Variants in DDX52 observed in about 807,000 individuals in gnomAD.
DDX52 encodes the protein probable ATP-dependent RNA helicase DDX52.
DDX52 carries 59 observed loss-of-function variants against 76.1 expected under a neutral mutation model. That is an observed-to-expected ratio of 0.78 (90% CI 0.63 to 0.96). The LOEUF (loss-of-function observed/expected upper bound fraction) is 0.96, where lower values mean the gene tolerates loss of function less well. Among genes scored for constraint, DDX52 ranks in the 40% least tolerant of loss-of-function variants. DDX52 has a pLI of 0.00. For synonymous variants in DDX52, 231 were observed against 244.1 expected (o/e 0.95, Z 0.50); for missense variants, 707 against 703.9 (o/e 1.00, Z -0.05).
rs143127075 is a variant in DDX52, at chr17:37,641,498, G to A, written c.286+612C>T. Reference sequence around the variant, plus strand: ...TCAGGCCTGTAATCCCGGCACTTTGGGGGGCCAAAGCGGGCGGATCACGAG... The same window carrying A: ...TCAGGCCTGTAATCCCGGCACTTTGAGGGGCCAAAGCGGGCGGATCACGAG... On this transcript the variant is annotated intron_variant, in intron 2 of 14. Coordinates refer to ENST00000617633, the MANE Select transcript of DDX52 (RefSeq NM_007010.5). 3.4e-3 allele frequency among the ~76,000 whole-genome samples: 513 copies of A among 152,276 alleles called. 3 individuals are homozygous for A. Among genetic ancestry groups the A allele is most frequent in the East Asian group, 0.015 (76 of 5,186 alleles).
rs1411330365 is a variant in DDX52, at chr17:37,611,082, T to G, written c.*3214A>C. The G allele has an allele frequency of 1.3e-5, 2 of 152,260 alleles. No individual in the cohort carries two copies. The highest frequency in any genetic ancestry group is 2.9e-5 in the Non-Finnish European group (2 of 68,042). 9.4% of individuals were successfully genotyped at this position (152,260 alleles called of 1,614,324 possible). A position where few individuals can be genotyped will look rare whatever the true frequency, so the allele number is the denominator to read the frequency against. On this transcript the variant is annotated 3_prime_UTR_variant, in exon 15 of 15. Transcript: ENST00000617633. ...CCTATTGGTTTTTACATTTGCAGGATTCAACTCAGGATGTCGGCCTTCCAT... is the reference window on the plus strand; with the variant it reads ...CCTATTGGTTTTTACATTTGCAGGAGTCAACTCAGGATGTCGGCCTTCCAT...
intron 2 of DDX52, among the ~76,000 whole-genome samples, chr17:37,636,057 T>A (rs1179911672): frequency 6.6e-6 from 1 of 152,232 alleles, no homozygotes; most frequent in African/African-American, 2.4e-5. Flanking sequence ...GCTTGCCTTT[T>A]CATTTTCTTA....
intron 11 of DDX52, 66 bp downstream of exon 11, chr17:37,621,061 G>C: frequency 1.3e-6 from 2 of 1,557,208 alleles, no homozygotes; most frequent in Non-Finnish European, 1.7e-6. Flanking sequence ...ATATGTGCAG[G>C]GAATAGCAGG....
rs2064338829 is a variant in DDX52 at position 37,610,990 on chromosome 17, C to T, written c.*3306G>A. On this transcript the variant is annotated 3_prime_UTR_variant, in exon 15 of 15. Coordinates refer to ENST00000617633, the MANE Select transcript of DDX52 (RefSeq NM_007010.5). ...TTACTGTAGATACTTTAAACAGACA[C>T]AATAAAGTCAAGGATCATAGATGTG... The T allele has an allele frequency of 1.3e-5, 2 of 152,220 alleles. No homozygotes were observed. The highest frequency in any genetic ancestry group is 4.8e-5 in the African/African-American group (2 of 41,456). The allele number at this position is 152,220 out of a possible 1,614,324, so 9.4% of individuals were successfully genotyped here. A position where few individuals can be genotyped will look rare whatever the true frequency, so the allele number is the denominator to read the frequency against.
At position 37,612,942 on chromosome 17, in the gene DDX52, CAT is replaced by C. The variant is rs1219319161; in HGVS notation, c.*1352_*1353del. On this transcript the variant is annotated 3_prime_UTR_variant, in exon 15 of 15. Coordinates refer to ENST00000617633, the MANE Select transcript of DDX52 (RefSeq NM_007010.5). ...TGTTTGCATGAACAAACAAAAAAATCATATTCTTGTAAGTATTTTTACACCCT... is the reference window on the plus strand; with the variant it reads ...TGTTTGCATGAACAAACAAAAAAATCATTCTTGTAAGTATTTTTACACCCT... 2 of 152,140 alleles carry C rather than the reference CAT, an allele frequency of 1.3e-5. No individual in the cohort carries two copies. Among genetic ancestry groups the C allele is most frequent in the Non-Finnish European group, 2.9e-5 (2 of 68,016 alleles). The allele number at this position is 152,140 out of a possible 1,614,324, so 9.4% of individuals were successfully genotyped here.
rs552867392 is a variant in DDX52, at chr17:37,627,589, CT to C, written c.860-730del. Among the ~76,000 whole-genome samples, 17 of 150,660 alleles carry C rather than the reference CT, an allele frequency of 1.1e-4. No individual in the cohort carries two copies. In the South Asian group the frequency reaches 3.1e-3, roughly 28 times the overall value. On this transcript the variant is annotated intron_variant, in intron 6 of 14. Coordinates refer to ENST00000617633, the MANE Select transcript of DDX52 (RefSeq NM_007010.5). The stretch of plus-strand genomic sequence containing the variant: ...GGAAAGAACAATTTAATTTTCAAAT[CT>C]TTTTTTCCCCCAGGAAAATCATTTT...
At chr17:37,624,472 A>G (rs1328282355) in intron 8 of DDX52, 38 bp from the exon 9 acceptor site, 1 of 1,509,398 alleles carries the variant, frequency 6.6e-7, no homozygotes, top group Non-Finnish European at 8.9e-7. Context: ...GTAAGAGTTA[A>G]TTTTTGCTTT....
chr17:37,624,839 A>G (rs924095671), intron 8 of DDX52, among the ~76,000 whole-genome samples: 3 of 152,088 alleles, frequency 2.0e-5, no homozygotes, highest in African/African-American at 7.2e-5. Context: ...AGATATATTA[A>G]GACTTTATTA....
chr17:37,630,843 T>C (rs1273861299), intron 4 of DDX52: 1 of 152,256 alleles, frequency 6.6e-6, no homozygotes, highest in African/African-American at 2.4e-5. Flanking sequence ...GGTTTCACCA[T>C]ATTGGCCAGG....
At chr17:37,629,361 T>C (rs1336893287) in intron 5 of DDX52, among the ~76,000 whole-genome samples, 1 of 151,776 alleles carries the variant, frequency 6.6e-6, no homozygotes, top group African/African-American at 2.4e-5. Context: ...ACTGTATACT[T>C]TTCCCTTCTA....
chr17:37,614,586 G>A (rs1598748962), intron 14 of DDX52, among the ~76,000 whole-genome samples: 1 of 152,202 alleles, frequency 6.6e-6, no homozygotes, highest in East Asian at 1.9e-4. Flanking sequence ...ATGACACATA[G>A]GTTCGGATCC....
chr17:37,625,779 G>T, intron 8 of DDX52, 116 bp downstream of exon 8: 3 of 1,126,056 alleles, frequency 2.7e-6, no homozygotes, highest in Admixed American at 2.3e-5. Flanking sequence ...ATTTCAATCA[G>T]TAAAACTCTC....
intron 14 of DDX52, among the ~76,000 whole-genome samples, chr17:37,614,632 G>A (rs1257092259): frequency 6.6e-6 from 1 of 152,184 alleles, no homozygotes; most frequent in Non-Finnish European, 1.5e-5. Flanking sequence ...AGTGCTTACT[G>A]CATGCTAGAA....
chr17:37,619,036 C>A (rs1219436173), intron 13 of DDX52, among the ~76,000 whole-genome samples: 1 of 152,164 alleles, frequency 6.6e-6, no homozygotes, highest in Non-Finnish European at 1.5e-5. Flanking sequence ...TAATTCTCAG[C>A]ATATTTTACT....
At chr17:37,614,544 A>G (rs1455622444) in intron 14 of DDX52, among the ~76,000 whole-genome samples, 191 bp from the exon 15 acceptor site, 1 of 152,246 alleles carries the variant, frequency 6.6e-6, no homozygotes, top group Non-Finnish European at 1.5e-5. Flanking sequence ...AGTGAGGCAG[A>G]ACCATCACAG....
Position 37,642,138 on chromosome 17 carries a change from G to C in DDX52, c.258C>G (p.Ser86Arg). The change falls in exon 2 of 15, where the codon AGC (serine) becomes AGG (arginine). Residue 86 changes from serine (S) to arginine (R), a missense_variant. By Grantham distance (110) the Ser-to-Arg change is moderately radical (BLOSUM62 -1). Coordinates refer to ENST00000617633, the MANE Select transcript of DDX52 (RefSeq NM_007010.5). ...ESLTERKREQ[S>R]KKKRKTMTSE... ...AAGTCATCGTCTTCCTTTTTTTCTT[G>C]CTCTGCTCCCTCTTCCTTTCAGTTA... is the stretch of plus-strand genomic sequence containing the variant. 2 of 1,612,838 alleles carry C rather than the reference G, an allele frequency of 1.2e-6. No individual in the cohort carries two copies. Among genetic ancestry groups the C allele is most frequent in the Non-Finnish European group, 1.7e-6 (2 of 1,179,686 alleles).
rs2064421774 is a variant in DDX52 at position 37,616,010 on chromosome 17, A to G, written c.1743-1657T>C. Among the ~76,000 whole-genome samples the G allele has an allele frequency of 2.0e-5, 3 of 152,206 alleles. No homozygotes were observed. The South Asian group carries it at 6.2e-4, about 32-fold the overall frequency. ...GCCTAGCAACAGAGATTCCATCTCA[A>G]AACAAAAACAAATCAGCATTTAAAG... On this transcript the variant is annotated intron_variant, in intron 14 of 14. Transcript: ENST00000617633.
chr17:37,638,542 A>G (rs781185135), intron 2 of DDX52, among the ~76,000 whole-genome samples: 19 of 152,230 alleles, frequency 1.2e-4, no homozygotes, highest in Non-Finnish European at 2.5e-4. Flanking sequence ...AGTCCAATAG[A>G]GAAAACACGG....
At chr17:37,634,133 G>A (rs2030818448) in intron 2 of DDX52, among the ~76,000 whole-genome samples, 1 of 151,282 alleles carries the variant, frequency 6.6e-6, no homozygotes, top group African/African-American at 2.4e-5. Context: ...ATTTTTAGTA[G>A]AGACGAGGTT....
Sources: gnomAD v4.1 joint callset for allele counts (sites outside exome capture counted in the v4.1 genomes callset) on GRCh38, gnomAD v4.1.1 for gene constraint, MANE v1.5 for transcripts, NCBI Gene and HGNC (gene_info 2026-07-23, HGNC 2026-07-21) for gene names.